Variants in DLGAP2 observed in about 807,000 individuals in gnomAD.
The protein encoded by DLGAP2 is disks large-associated protein 2.
DLGAP2 carries 26 observed loss-of-function variants against 100.3 expected under a neutral mutation model. The observed-to-expected ratio is 0.26, with a 90% confidence interval of 0.19 to 0.36. The LOEUF (loss-of-function observed/expected upper bound fraction) is 0.36. Ranked by LOEUF, DLGAP2 falls within the 10% of genes least tolerant of loss-of-function variation. The pLI is 1.00. For synonymous variants in DLGAP2, 886 were observed against 630.1 expected (o/e 1.41, Z -6.08); for missense variants, 1,858 against 1,453.2 (o/e 1.28, Z -4.53).
chr8:1,415,099 C>T (rs1027811112), intron 3 of DLGAP2, among the ~76,000 whole-genome samples: 17 of 152,356 alleles, frequency 1.1e-4, no homozygotes, highest in Non-Finnish European at 2.1e-4. Flanking sequence ...TGCATACATA[C>T]GTGTACACAC....
chr8:1,293,078 G>A (rs11998062), intron 3 of DLGAP2, among the ~76,000 whole-genome samples: 2 of 152,056 alleles, frequency 1.3e-5, no homozygotes, highest in Non-Finnish European at 2.9e-5. Context: ...TGACCCACAA[G>A]TGGGGGAGAA....
intron 2 of DLGAP2, among the ~76,000 whole-genome samples, chr8:1,213,665 A>G (rs188524949): frequency 6.6e-6 from 1 of 152,154 alleles, no homozygotes; most frequent in African/African-American, 2.4e-5. Flanking sequence ...GCTCTGATCC[A>G]GGTTAAATGG....
chr8:1,043,081 G>GGCTGGCA (rs1802407898), intron 2 of DLGAP2, among the ~76,000 whole-genome samples: 1 of 147,110 alleles, frequency 6.8e-6, no homozygotes. Context: ...TGGTGGATGT[G>GGCTGGCA]GGAGGTGGAT....
chr8:805,175 T>A (rs1194925776), intron 1 of DLGAP2, among the ~76,000 whole-genome samples: 2 of 152,248 alleles, frequency 1.3e-5, no homozygotes, highest in East Asian at 3.8e-4. Flanking sequence ...TTTTCTTTTC[T>A]CATTTATAAT....
Position 1,579,497 on chromosome 8 carries a change from GC to G in DLGAP2, c.1442+13605del, listed in dbSNP as rs1172835041. The stretch of plus-strand genomic sequence containing the variant: ...CAACAAGCAAACTAAAAATAATATC[GC>G]CAAAGTAAAATCATAATAAAAACCT... On this transcript the variant is annotated intron_variant, in intron 6 of 14. Transcript: ENST00000637795. 2.6e-5 allele frequency among the ~76,000 whole-genome samples: 4 copies of G among 151,762 alleles called. No individual in the cohort carries two copies. The South Asian group carries it at 6.3e-4, about 24-fold the overall frequency.
chr8:999,921 TGGA>T, intron 2 of DLGAP2, among the ~76,000 whole-genome samples: 1 of 150,708 alleles, frequency 6.6e-6, no homozygotes, highest in South Asian at 2.1e-4. Context: ...CAGATCCGGG[TGGA>T]GGTGGTTTTC....
rs376278760 is a variant in DLGAP2 at position 1,124,393 on chromosome 8, C to G, written c.74-134458C>G. 3.5e-4 allele frequency among the ~76,000 whole-genome samples: 54 copies of G among 152,306 alleles called. No homozygotes were observed. In the South Asian group the frequency reaches 0.011, roughly 31 times the overall value. ...TCAGAGCTGAGTCCAGGGCCCAGAA[C>G]GTTGCTGCCAAGGGCTTCTCCTCAG... On this transcript the variant is annotated intron_variant, in intron 2 of 14. Coordinates refer to ENST00000637795, the MANE Select transcript of DLGAP2 (RefSeq NM_001346810.2).
At chr8:771,773 G>C (rs764965758) in intron 1 of DLGAP2, among the ~76,000 whole-genome samples, 2 of 152,206 alleles carry the variant, frequency 1.3e-5, no homozygotes, top group Non-Finnish European at 2.9e-5. Flanking sequence ...AGTTATGGAA[G>C]TAATTTACAC....
rs550915947 is a variant in DLGAP2, at chr8:1,344,497, G to C, written c.106+85614G>C. On this transcript the variant is annotated intron_variant, in intron 3 of 14. Coordinates refer to ENST00000637795, the MANE Select transcript of DLGAP2 (RefSeq NM_001346810.2). ...GACATTAGTTACTGAAGCACTTTGT[G>C]CCTCAGTTTCCCTATCTGTAAAATC... Among the ~76,000 whole-genome samples, 3 of 152,308 alleles carry C rather than the reference G, an allele frequency of 2.0e-5. No homozygotes were observed. In the South Asian group the frequency reaches 6.2e-4, roughly 32 times the overall value.
chr8:1,409,889 C>T (rs949632727), intron 3 of DLGAP2, among the ~76,000 whole-genome samples: 2 of 152,222 alleles, frequency 1.3e-5, no homozygotes, highest in Non-Finnish European at 2.9e-5. Flanking sequence ...GACTGAATTA[C>T]ACCTGACCCC....
chr8:900,297 C>G (rs1033322924), intron 1 of DLGAP2, among the ~76,000 whole-genome samples: 1 of 134,164 alleles, frequency 7.5e-6, no homozygotes, highest in African/African-American at 2.9e-5. Context: ...CGCTCCCGGG[C>G]GGACGGTGGG....
intron 2 of DLGAP2, among the ~76,000 whole-genome samples, chr8:1,039,954 TCAGC>T (rs1563159196): frequency 4.0e-5 from 6 of 148,420 alleles, no homozygotes; most frequent in African/African-American, 1.5e-4. Context: ...GTTTCCGTGG[TCAGC>T]TCGGTGTGCG....
At chr8:1,630,845 C>T (rs985406687) in intron 7 of DLGAP2, among the ~76,000 whole-genome samples, 18 of 152,030 alleles carry the variant, frequency 1.2e-4, no homozygotes, top group African/African-American at 4.1e-4. Flanking sequence ...TAGCTGCACT[C>T]TGCTTGGGTT....
intron 3 of DLGAP2, among the ~76,000 whole-genome samples, chr8:1,379,094 A>G (rs962671958): frequency 2.6e-5 from 4 of 152,266 alleles, no homozygotes; most frequent in African/African-American, 9.6e-5. Context: ...CTATGGCTAC[A>G]AGACCAGGAA....
At chr8:1,430,025 T>C (rs1256993739) in intron 3 of DLGAP2, among the ~76,000 whole-genome samples, 8 of 98,808 alleles carry the variant, frequency 8.1e-5, no homozygotes, top group African/African-American at 3.3e-4. Flanking sequence ...TATATATATA[T>C]ATACACACAC....
At chr8:1,477,840 T>C (rs1350257337) in intron 3 of DLGAP2, among the ~76,000 whole-genome samples, 3 of 149,996 alleles carry the variant, frequency 2.0e-5, no homozygotes, top group Non-Finnish European at 4.4e-5. Flanking sequence ...GTCCCAACCA[T>C]GGAATGAATA....
intron 1 of DLGAP2, among the ~76,000 whole-genome samples, chr8:858,099 C>T (rs1445592957): frequency 6.6e-6 from 1 of 152,172 alleles, no homozygotes; most frequent in East Asian, 1.9e-4. Context: ...TCAGATGATC[C>T]ACCCGCCTTG....
intron 1 of DLGAP2, among the ~76,000 whole-genome samples, chr8:897,060 A>G (rs1798155789): frequency 1.3e-5 from 2 of 151,948 alleles, no homozygotes; most frequent in Non-Finnish European, 2.9e-5. Context: ...ATCGGAGGAA[A>G]CCCCCTCACT....
intron 2 of DLGAP2, among the ~76,000 whole-genome samples, chr8:1,219,333 T>C (rs1798272830): frequency 6.6e-6 from 1 of 152,210 alleles, no homozygotes; most frequent in Admixed American, 6.5e-5. Flanking sequence ...TGAAAGGATG[T>C]TGAATTCTAT....
Sources: gnomAD v4.1 joint callset for allele counts (sites outside exome capture counted in the v4.1 genomes callset) on GRCh38, gnomAD v4.1.1 for gene constraint, MANE v1.5 for transcripts, NCBI Gene and HGNC (gene_info 2026-07-23, HGNC 2026-07-21) for gene names.